The following SH3GL2 variants were observed in gnomAD, a reference collection of about 807,000 sequenced individuals.
The protein encoded by SH3GL2 is SH3 domain containing GRB2 like 2, endophilin A1.
SH3GL2 carries 24 observed loss-of-function variants against 46.0 expected under a neutral mutation model. That is an observed-to-expected ratio of 0.52 (90% CI 0.38 to 0.73). The LOEUF (loss-of-function observed/expected upper bound fraction) is 0.73, where lower values mean the gene tolerates loss of function less well. Ranked by LOEUF, SH3GL2 falls within the 30% of genes least tolerant of loss-of-function variation. The pLI, the probability that SH3GL2 is intolerant of heterozygous loss-of-function variation, is 0.00. For synonymous variants in SH3GL2, 196 were observed against 147.1 expected (o/e 1.33, Z -2.40); for missense variants, 413 against 424.2 (o/e 0.97, Z 0.23).
chr9:17,689,090 C>T (rs1431752076), intron 1 of SH3GL2, among the ~76,000 whole-genome samples: 1 of 152,032 alleles, frequency 6.6e-6, no homozygotes. Flanking sequence ...AGTGTGTTCC[C>T]TTAATATGAT....
At chr9:17,613,982 G>A (rs1416729150) in intron 1 of SH3GL2, among the ~76,000 whole-genome samples, 2 of 152,164 alleles carry the variant, frequency 1.3e-5, no homozygotes, top group South Asian at 2.1e-4. Flanking sequence ...TTTCTAAAGG[G>A]TTTTGTGCCT....
chr9:17,742,029 C>A (rs923270843), intron 1 of SH3GL2, among the ~76,000 whole-genome samples: 4 of 151,994 alleles, frequency 2.6e-5, no homozygotes, highest in African/African-American at 9.7e-5. Flanking sequence ...GGTAAGGAAA[C>A]CTGGCTTTGC....
chr9:17,669,736 T>C (rs73645124), intron 1 of SH3GL2, among the ~76,000 whole-genome samples: 3,856 of 152,238 alleles, frequency 0.025, 68 homozygotes, highest in African/African-American at 0.033. Context: ...TGTGTGAACA[T>C]AAGTCTTCCA....
At chr9:17,604,171 C>T (rs1818719219) in intron 1 of SH3GL2, among the ~76,000 whole-genome samples, 1 of 152,112 alleles carries the variant, frequency 6.6e-6, no homozygotes, top group South Asian at 2.1e-4. Context: ...GAGGTATTTA[C>T]CCCCTCCTGC....
At chr9:17,743,019 A>AT (rs1179980648) in intron 1 of SH3GL2, among the ~76,000 whole-genome samples, 3 of 152,240 alleles carry the variant, frequency 2.0e-5, no homozygotes, top group Admixed American at 2.0e-4. Context: ...TCAATTTTAG[A>AT]TATCACCTCA....
At chr9:17,772,972 T>C (rs1371036987) in intron 3 of SH3GL2, among the ~76,000 whole-genome samples, 2 of 152,212 alleles carry the variant, frequency 1.3e-5, no homozygotes, top group African/African-American at 4.8e-5. Context: ...GGGTTCGAGT[T>C]ACTCTACATC....
At chr9:17,640,683 C>T (rs1819659086) in intron 1 of SH3GL2, among the ~76,000 whole-genome samples, 1 of 152,188 alleles carries the variant, frequency 6.6e-6, no homozygotes, top group African/African-American at 2.4e-5. Flanking sequence ...TTCTCCATAA[C>T]ACTTCTCATT....
chr9:17,592,508 C>G (rs1219669120), intron 1 of SH3GL2, among the ~76,000 whole-genome samples: 1 of 152,154 alleles, frequency 6.6e-6, no homozygotes, highest in Admixed American at 6.5e-5. Context: ...AAATTAAGTC[C>G]TGGATACTCT....
intron 3 of SH3GL2, among the ~76,000 whole-genome samples, chr9:17,777,256 T>C (rs1823666309): frequency 6.6e-6 from 1 of 152,192 alleles, no homozygotes; most frequent in South Asian, 2.1e-4. Flanking sequence ...TTAAGATGAC[T>C]TTATTCAAAA....
intron 1 of SH3GL2, among the ~76,000 whole-genome samples, chr9:17,644,336 G>T (rs1322898278): frequency 6.6e-6 from 1 of 151,762 alleles, no homozygotes; most frequent in Non-Finnish European, 1.5e-5. Context: ...CTTCAGTTCT[G>T]CTCTGATCTT....
chr9:17,585,034 G>C (rs1369253383), intron 1 of SH3GL2, among the ~76,000 whole-genome samples: 1 of 152,194 alleles, frequency 6.6e-6, no homozygotes, highest in Non-Finnish European at 1.5e-5. Context: ...AATGGTGACT[G>C]TTTTGAGACA....
intron 1 of SH3GL2, among the ~76,000 whole-genome samples, chr9:17,670,270 A>G (rs147702600): frequency 0.01 from 1,564 of 152,194 alleles, 18 homozygotes; most frequent in Non-Finnish European, 0.018. Context: ...TTCCTTATCT[A>G]TGTTTGCAGT....
At chr9:17,711,886 C>T (rs1362082357) in intron 1 of SH3GL2, among the ~76,000 whole-genome samples, 1 of 151,782 alleles carries the variant, frequency 6.6e-6, no homozygotes. Context: ...AAAAACAGTA[C>T]TCAACAGTTC....
chr9:17,772,871 T>C (rs1823530000), intron 3 of SH3GL2, among the ~76,000 whole-genome samples: 1 of 152,180 alleles, frequency 6.6e-6, no homozygotes, highest in Admixed American at 6.5e-5. Flanking sequence ...GAAATGGAAT[T>C]GCTGGAACTT....
At chr9:17,675,121 T>C (rs1373655365) in intron 1 of SH3GL2, among the ~76,000 whole-genome samples, 1 of 152,234 alleles carries the variant, frequency 6.6e-6, no homozygotes, top group Non-Finnish European at 1.5e-5. Flanking sequence ...GTGGTATTTC[T>C]TTGTGGTAGT....
chr9:17,645,370 C>T (rs1164233977), intron 1 of SH3GL2, among the ~76,000 whole-genome samples: 4 of 152,016 alleles, frequency 2.6e-5, no homozygotes, highest in African/African-American at 9.7e-5. Flanking sequence ...ATCCCATTTA[C>T]ATTTAAGGTT....
intron 1 of SH3GL2, among the ~76,000 whole-genome samples, chr9:17,610,729 GT>G (rs59800681): frequency 1.3e-5 from 2 of 150,448 alleles, no homozygotes; most frequent in African/African-American, 2.4e-5. Context: ...GTTTTCTAAA[GT>G]TTTTTTTTTA....
chr9:17,791,465 T>TTG (rs1470214626), intron 7 of SH3GL2, 131 bp downstream of exon 7: 1 of 648,590 alleles, frequency 1.5e-6, no homozygotes, highest in African/African-American at 1.8e-5. Flanking sequence ...CAGAGGCGCC[T>TTG]TGTGGATTGT....
intron 1 of SH3GL2, among the ~76,000 whole-genome samples, chr9:17,659,075 T>C (rs1820154251): frequency 6.6e-6 from 1 of 152,184 alleles, no homozygotes; most frequent in Admixed American, 6.5e-5. Context: ...CTAGTGGTAC[T>C]TCCTAGGGAA....
Sources: allele counts gnomAD v4.1 joint callset (sites outside exome capture counted in the v4.1 genomes callset), GRCh38; gene constraint gnomAD v4.1.1; transcripts MANE v1.5; gene names NCBI Gene and HGNC (gene_info 2026-07-23, HGNC 2026-07-21).